Variants in RBFOX1 observed in about 807,000 individuals in gnomAD.
RBFOX1 encodes the protein RNA binding protein fox-1 homolog 1.
RBFOX1 carries 8 observed loss-of-function variants against 57.7 expected under a neutral mutation model. That is an observed-to-expected ratio of 0.14 (90% CI 0.08 to 0.25). The LOEUF (loss-of-function observed/expected upper bound fraction) is 0.25, where lower values mean the gene tolerates loss of function less well. Among genes scored for constraint, RBFOX1 ranks in the 10% least tolerant of loss-of-function variants. The probability of loss-of-function intolerance (pLI) is 1.00; values close to 1 mark genes in which losing one functional copy is unlikely to be tolerated. For missense variants in RBFOX1, 611 were observed against 548.5 expected (o/e 1.11, Z -1.14); for synonymous variants, 326 against 222.4 (o/e 1.47, Z -4.15).
At chr16:7,045,534 C>G (rs1413141258) in intron 3 of RBFOX1, among the ~76,000 whole-genome samples, 1 of 152,174 alleles carries the variant, frequency 6.6e-6, no homozygotes, top group Non-Finnish European at 1.5e-5. Flanking sequence ...TCACATGGCA[C>G]AAGTCAGAGG....
At chr16:6,939,606 A>G (rs1484792644) in intron 3 of RBFOX1, among the ~76,000 whole-genome samples, 1 of 151,090 alleles carries the variant, frequency 6.6e-6, no homozygotes, top group Non-Finnish European at 1.5e-5. Context: ...CTCCCTCCCA[A>G]GTTCACTTGA....
chr16:6,189,187 T>C (rs2097126615), intron 1 of RBFOX1, among the ~76,000 whole-genome samples: 1 of 152,206 alleles, frequency 6.6e-6, no homozygotes, highest in Non-Finnish European at 1.5e-5. Flanking sequence ...GATATTACAA[T>C]GAATGCTTTC....
intron 4 of RBFOX1, among the ~76,000 whole-genome samples, chr16:7,380,208 T>C (rs367730201): frequency 4.0e-4 from 61 of 152,304 alleles, no homozygotes; most frequent in African/African-American, 1.4e-3. Context: ...TATCACATCA[T>C]GATTTTAGAG....
intron 11 of RBFOX1, among the ~76,000 whole-genome samples, chr16:7,647,544 A>AG (rs1249082078): frequency 1.0e-5 from 1 of 98,006 alleles, no homozygotes; most frequent in Admixed American, 1.0e-4. Context: ...AAATTGAACT[A>AG]GGAAAAAAAA....
intron 4 of RBFOX1, among the ~76,000 whole-genome samples, chr16:7,394,128 C>T (rs1369863977): frequency 6.7e-6 from 1 of 150,042 alleles, no homozygotes; most frequent in Non-Finnish European, 1.5e-5. Flanking sequence ...CCTAGCTACT[C>T]TGGAGGCTGA....
chr16:7,453,026 G>T (rs961432386), intron 4 of RBFOX1, among the ~76,000 whole-genome samples: 1 of 151,896 alleles, frequency 6.6e-6, no homozygotes, highest in Non-Finnish European at 1.5e-5. Context: ...CTACTAGGGG[G>T]GCTGAGGCAG....
At chr16:6,585,610 C>T (rs2097598648) in intron 2 of RBFOX1, among the ~76,000 whole-genome samples, 1 of 152,040 alleles carries the variant, frequency 6.6e-6, no homozygotes, top group South Asian at 2.1e-4. Flanking sequence ...TGTGATAGTG[C>T]TGTGTTGCTG....
chr16:6,853,339 T>C (rs1287653367), intron 3 of RBFOX1, among the ~76,000 whole-genome samples: 2 of 152,160 alleles, frequency 1.3e-5, no homozygotes, highest in Non-Finnish European at 2.9e-5. Flanking sequence ...GGTGGTGGCA[T>C]ACCTCTGTGC....
At chr16:7,278,534 T>C (rs185683814) in intron 4 of RBFOX1, among the ~76,000 whole-genome samples, 117 of 152,338 alleles carry the variant, frequency 7.7e-4, no homozygotes, top group African/African-American at 2.8e-3. Flanking sequence ...TTCATCCTTT[T>C]AGAGTTCATT....
intron 3 of RBFOX1, among the ~76,000 whole-genome samples, chr16:6,754,080 C>A (rs934802516): frequency 6.6e-6 from 1 of 152,090 alleles, no homozygotes; most frequent in East Asian, 1.9e-4. Flanking sequence ...TAAAGACACC[C>A]ATAATTTTAC....
intron 3 of RBFOX1, among the ~76,000 whole-genome samples, chr16:5,624,079 A>G (rs2048277314): frequency 6.6e-6 from 1 of 152,222 alleles, no homozygotes; most frequent in South Asian, 2.1e-4. Flanking sequence ...AAGAGCAAAT[A>G]AGGGATTAAA....
chr16:5,699,967 G>A lies in RBFOX1; in HGVS notation c.318+101006G>A, dbSNP rs547001874. ...TCCTGCTCAGCCTCCTGAGTAGCTG[G>A]GACTACAGGCGCCCGCCACCACGCC... On this transcript the variant is annotated intron_variant, in intron 3 of 19. Transcript: ENST00000641259. 3.5e-3 allele frequency among the ~76,000 whole-genome samples: 534 copies of A among 152,176 alleles called. 3 individuals are homozygous for A. Among genetic ancestry groups the A allele is most frequent in the Middle Eastern group, 0.024 (7 of 294 alleles).
intron 4 of RBFOX1, among the ~76,000 whole-genome samples, chr16:7,129,462 C>T (rs1424717409): frequency 6.6e-6 from 1 of 151,966 alleles, no homozygotes; most frequent in Non-Finnish European, 1.5e-5. Context: ...AAATAATATC[C>T]CCCACTGATA....
At chr16:5,880,483 A>G (rs996849984) in intron 4 of RBFOX1, among the ~76,000 whole-genome samples, 6 of 152,256 alleles carry the variant, frequency 3.9e-5, no homozygotes, top group Admixed American at 3.9e-4. Context: ...CAGCAGATCC[A>G]TATTCTGCAT....
Position 7,642,210 on chromosome 16 carries a change from A to C in RBFOX1, c.757+11527A>C, listed in dbSNP as rs184358782. On this transcript the variant is annotated intron_variant, in intron 11 of 15. Coordinates refer to ENST00000550418, the MANE Select transcript of RBFOX1 (RefSeq NM_018723.4). ...ATGGTAGTTCCTTAGTCTATTCTAT[A>C]TGGGTGTTTTGGAGGCTCTGGCTCA... 2.6e-5 allele frequency among the ~76,000 whole-genome samples: 4 copies of C among 152,244 alleles called. No individual in the cohort carries two copies. The East Asian group carries it at 7.7e-4, about 29-fold the overall frequency.
At chr16:7,504,157 C>G (rs1255973776) in intron 4 of RBFOX1, among the ~76,000 whole-genome samples, 3 of 151,986 alleles carry the variant, frequency 2.0e-5, no homozygotes, top group Non-Finnish European at 4.4e-5. Context: ...CCATCATGAC[C>G]TGAGATAATT....
rs2095027928 is a variant in RBFOX1 at position 6,019,557 on chromosome 16, G to C, written c.-562G>C. ...AGCCCCGGGAACAGCAGAGGCGGCG[G>C]CACTGGCTGGACCCACGCGCGCGCC... is the stretch of plus-strand genomic sequence containing the variant. On this transcript the variant is annotated 5_prime_UTR_variant, in exon 1 of 16. Transcript: ENST00000550418. This position sits in a 1 kb window ranked among gnomAD's most constrained non-coding sequence, Gnocchi z 4.2. The C allele has an allele frequency of 2.7e-6, 3 of 1,129,880 alleles. No homozygotes were observed. Among genetic ancestry groups the C allele is most frequent in the African/African-American group, 1.6e-5 (1 of 61,942 alleles). The allele number at this position is 1,129,880 out of a possible 1,614,324, so 70.0% of individuals were successfully genotyped here.
At chr16:5,437,995 C>T (rs949669620) in intron 1 of RBFOX1, among the ~76,000 whole-genome samples, 1 of 152,068 alleles carries the variant, frequency 6.6e-6, no homozygotes, top group African/African-American at 2.4e-5. Context: ...TCTGTGTTGT[C>T]AAGGGGACAC....
intron 1 of RBFOX1, among the ~76,000 whole-genome samples, chr16:6,267,962 G>A (rs1297962930): frequency 2.6e-5 from 4 of 152,156 alleles, no homozygotes; most frequent in African/African-American, 9.6e-5. Context: ...CCCGTTTGAA[G>A]TAATTAACCC....
Sources: allele counts gnomAD v4.1 joint callset (sites outside exome capture counted in the v4.1 genomes callset), GRCh38; gene constraint gnomAD v4.1.1; non-coding constraint Gnocchi (gnomAD v3.1); transcripts MANE v1.5; gene names NCBI Gene and HGNC (gene_info 2026-07-23, HGNC 2026-07-21).